The following STARD13 variants were observed in gnomAD, a reference collection of about 807,000 sequenced individuals.
STARD13 encodes StAR related lipid transfer domain containing 13.
In STARD13, 62 loss-of-function variants were observed where a neutral mutation model predicts 106.4. The observed-to-expected ratio is 0.58, with a 90% CI of 0.48 to 0.72. The LOEUF (loss-of-function observed/expected upper bound fraction) is 0.72. Among genes scored for constraint, STARD13 ranks in the 30% least tolerant of loss-of-function variants. STARD13 has a pLI of 0.00. For missense variants in STARD13, 1,387 were observed against 1,424.0 expected (o/e 0.97, Z 0.42); for synonymous variants, 565 against 553.0 (o/e 1.02, Z -0.31).
chr13:33,346,405 T>A (rs1433543591), downstream of STARD13, among the ~76,000 whole-genome samples: 2 of 152,218 alleles, frequency 1.3e-5, no homozygotes, highest in East Asian at 3.9e-4. Flanking sequence ...TTCCTAAATA[T>A]GGTCACATGG....
intron 1 of STARD13, among the ~76,000 whole-genome samples, chr13:33,337,010 A>G (rs2077905066): frequency 6.6e-6 from 1 of 152,016 alleles, no homozygotes; most frequent in Non-Finnish European, 1.5e-5. Context: ...AGAAATATAT[A>G]TATACATATA....
chr13:33,231,836 T>C (rs748168106), intron 1 of STARD13, among the ~76,000 whole-genome samples: 4 of 152,144 alleles, frequency 2.6e-5, no homozygotes, highest in Non-Finnish European at 5.9e-5. Flanking sequence ...GTCATTTTAG[T>C]ATATAGGGTC....
chr13:33,633,391 TA>T, the STARD13 span, among the ~76,000 whole-genome samples: 1 of 152,318 alleles, frequency 6.6e-6, no homozygotes, highest in African/African-American at 2.4e-5. Flanking sequence ...CAAGTGTACC[TA>T]ACACAAAGAA....
chr13:33,391,718 C>T, the STARD13 span, among the ~76,000 whole-genome samples: 1 of 152,164 alleles, frequency 6.6e-6, no homozygotes, highest in Admixed American at 6.5e-5. Context: ...TCAAAATGTG[C>T]TCACCACATC....
upstream of STARD13, among the ~76,000 whole-genome samples, chr13:33,285,949 GC>G: frequency 6.6e-6 from 1 of 152,082 alleles, no homozygotes; most frequent in South Asian, 2.1e-4. Flanking sequence ...TATTTGACGT[GC>G]CTCAGAGCTG....
At chr13:33,183,184 C>T (rs551932617) in intron 1 of STARD13, among the ~76,000 whole-genome samples, 1 of 152,336 alleles carries the variant, frequency 6.6e-6, no homozygotes, top group East Asian at 1.9e-4. Context: ...TGTTACACAT[C>T]TCTCTCCCCC....
chr13:33,225,435 A>G (rs1888573667), intron 1 of STARD13, among the ~76,000 whole-genome samples: 1 of 152,182 alleles, frequency 6.6e-6, no homozygotes, highest in African/African-American at 2.4e-5. Flanking sequence ...TTAATTCTCT[A>G]AAGTCCTAGA....
chr13:33,107,744 T>C (rs773978427), intron 12 of STARD13, among the ~76,000 whole-genome samples: 4 of 151,956 alleles, frequency 2.6e-5, no homozygotes, highest in African/African-American at 4.8e-5. Context: ...CCTAGAGCTA[T>C]TCAAGCAGAG....
rs192065852 is a variant in STARD13 at position 33,231,851 on chromosome 13, C to T, written c.169+53619G>A. The stretch of plus-strand genomic sequence containing the variant: ...GTCATTTTAGTATATAGGGTCATCC[C>T]TTGGTATCCACAGGGGATTGGTTCC... On this transcript the variant is annotated intron_variant, in intron 1 of 13. Coordinates refer to ENST00000336934, the MANE Select transcript of STARD13 (RefSeq NM_178006.4). Among the ~76,000 whole-genome samples the T allele has an allele frequency of 2.7e-3, 407 of 152,260 alleles. 2 individuals carry two copies. Among genetic ancestry groups the T allele is most frequent in the Non-Finnish European group, 4.5e-3 (307 of 68,014 alleles).
At chr13:33,528,409 G>A in the STARD13 span, among the ~76,000 whole-genome samples, 52 of 150,430 alleles carry the variant, frequency 3.5e-4, no homozygotes, top group Admixed American at 9.9e-4. Context: ...AGCTGAGACC[G>A]TAGGGTGTGC....
chr13:33,613,406 A>G, the STARD13 span, among the ~76,000 whole-genome samples: 4 of 151,366 alleles, frequency 2.6e-5, no homozygotes, highest in Non-Finnish European at 5.9e-5. Flanking sequence ...TTAGTAGTGC[A>G]AACAAAGTTG....
At chr13:33,464,024 C>CATATACATATATATATATATAT in the STARD13 span, among the ~76,000 whole-genome samples, 1 of 112,540 alleles carries the variant, frequency 8.9e-6, no homozygotes, top group Non-Finnish European at 2.0e-5. Context: ...AAAAAAAATA[C>CATATACATATATATATATATAT]ATATATATAT....
the STARD13 span, among the ~76,000 whole-genome samples, chr13:33,641,353 G>T: frequency 8.8e-3 from 1,335 of 152,258 alleles, 14 homozygotes; most frequent in South Asian, 0.021. Flanking sequence ...AGACTGCTGG[G>T]TTTATAAGTG....
At chr13:33,642,189 G>A in the STARD13 span, among the ~76,000 whole-genome samples, 1 of 152,190 alleles carries the variant, frequency 6.6e-6, no homozygotes, top group African/African-American at 2.4e-5. Context: ...CGTTTACCTA[G>A]GAGAAAAGGA....
the STARD13 span, among the ~76,000 whole-genome samples, chr13:33,442,755 A>G: frequency 6.6e-6 from 1 of 152,230 alleles, no homozygotes; most frequent in Non-Finnish European, 1.5e-5. Flanking sequence ...CATTAGAAGC[A>G]GAGGCATAGG....
the STARD13 span, among the ~76,000 whole-genome samples, chr13:33,494,125 G>T: frequency 1.3e-5 from 2 of 152,172 alleles, no homozygotes; most frequent in Non-Finnish European, 2.9e-5. Context: ...TCCAGGTCTA[G>T]TGTAGAAGCA....
chr13:33,312,868 T>C (rs1023027171), intron 1 of STARD13, among the ~76,000 whole-genome samples: 2 of 152,208 alleles, frequency 1.3e-5, no homozygotes, highest in Non-Finnish European at 2.9e-5. Flanking sequence ...AAAAATTCCA[T>C]AAAGCACGGT....
At chr13:33,628,536 T>C in the STARD13 span, among the ~76,000 whole-genome samples, 3 of 152,186 alleles carry the variant, frequency 2.0e-5, no homozygotes, top group Non-Finnish European at 4.4e-5. Context: ...ATAATCAGAA[T>C]TGAATGTGAC....
the STARD13 span, among the ~76,000 whole-genome samples, chr13:33,496,749 A>G: frequency 6.6e-6 from 1 of 152,150 alleles, no homozygotes; most frequent in African/African-American, 2.4e-5. Context: ...GTGATGATAC[A>G]GTTTATACAT....
Sources: gnomAD v4.1 joint callset for allele counts (sites outside exome capture counted in the v4.1 genomes callset) on GRCh38, gnomAD v4.1.1 for gene constraint, MANE v1.5 for transcripts, NCBI Gene and HGNC (gene_info 2026-07-23, HGNC 2026-07-21) for gene names.